POGLUT1: variants seen among roughly 807,000 people sequenced by gnomAD.
POGLUT1 encodes 9630046K23Rik.
Under a neutral mutation model 61.3 loss-of-function variants are expected in POGLUT1, and 32 were observed. The ratio of observed to expected loss-of-function variants is 0.52; its 90% CI spans 0.39 to 0.70. The LOEUF (loss-of-function observed/expected upper bound fraction) is 0.70. POGLUT1 is among the 30% of genes least tolerant of loss of function. POGLUT1 has a pLI of 0.00. For synonymous variants in POGLUT1, 158 were observed against 158.2 expected (o/e 1.00, Z 0.01); for missense variants, 411 against 469.8 (o/e 0.87, Z 1.16).
At chr3:119,487,073 A>C in intron 7 of POGLUT1, 141 bp downstream of exon 7, 1 of 646,604 alleles carries the variant, frequency 1.5e-6, no homozygotes, top group Non-Finnish European at 2.8e-6. Context: ...CAGCATTAGC[A>C]TATATGTAAA....
At chr3:119,469,144 C>T (rs1019467137) in intron 1 of POGLUT1, 38 bp downstream of exon 1, 11 of 1,503,492 alleles carry the variant, frequency 7.3e-6, no homozygotes, top group Non-Finnish European at 9.1e-6. Flanking sequence ...CCCTTGGGCT[C>T]GGGGTCTGGC....
intron 7 of POGLUT1, chr3:119,488,060 T>C (rs2081691490): frequency 6.6e-6 from 1 of 152,206 alleles, no homozygotes; most frequent in South Asian, 2.1e-4. Flanking sequence ...ATGAGGATGC[T>C]ATGAGGAAAA....
chr3:119,473,817 C>T (rs1268569015), intron 3 of POGLUT1, among the ~76,000 whole-genome samples: 1 of 151,972 alleles, frequency 6.6e-6, no homozygotes, highest in East Asian at 1.9e-4. Flanking sequence ...CCCGCCACCA[C>T]ACCTGGCTAA....
In POGLUT1 at chr3:119,493,405, G is replaced by A. The variant is rs113190018; in HGVS notation, c.*967G>A. ...TTTTAGTGCAAATCCATGATGGAGT[G>A]CCTCCCTTTTCCTTTTTTCACTTTT... On this transcript the variant is annotated 3_prime_UTR_variant, in exon 11 of 11. Transcript: ENST00000295588. 23 of 152,280 alleles carry A rather than the reference G, an allele frequency of 1.5e-4. No individual in the cohort carries two copies. Among genetic ancestry groups the A allele is most frequent in the African/African-American group, 3.6e-4 (15 of 41,564 alleles). 9.4% of individuals were successfully genotyped at this position (152,280 alleles called of 1,614,324 possible).
chr3:119,475,216 T>G (rs1373350583), intron 3 of POGLUT1, among the ~76,000 whole-genome samples: 1 of 152,238 alleles, frequency 6.6e-6, no homozygotes, highest in Non-Finnish European at 1.5e-5. Flanking sequence ...TAAAACATGC[T>G]GTCTTCTGTT....
intron 3 of POGLUT1, among the ~76,000 whole-genome samples, chr3:119,476,055 C>G (rs1035174873): frequency 2.0e-5 from 3 of 151,462 alleles, no homozygotes; most frequent in Non-Finnish European, 4.4e-5. Context: ...ACTCAGGAGG[C>G]TGAGGTGAGA....
At chr3:119,472,326 T>G (rs1404074249) in intron 3 of POGLUT1, among the ~76,000 whole-genome samples, 1 of 152,144 alleles carries the variant, frequency 6.6e-6, no homozygotes, top group African/African-American at 2.4e-5. Flanking sequence ...GTGAAATAAA[T>G]GTGCAGAGTT....
At position 119,491,829 on chromosome 3, in the gene POGLUT1, C is replaced by T. The variant is rs970456258; in HGVS notation, c.1022+255C>T. 3.9e-5 allele frequency among the ~76,000 whole-genome samples: 6 copies of T among 152,010 alleles called. No individual in the cohort carries two copies. The East Asian group carries it at 5.8e-4, about 15-fold the overall frequency. ...CAGCACTCTGGAAGGCCGAGGTGGG[C>T]GGATCACCTGAGGTCAGAAGTTCAA... On this transcript the variant is annotated intron_variant, in intron 10 of 10. Transcript: ENST00000295588.
intron 4 of POGLUT1, among the ~76,000 whole-genome samples, chr3:119,477,933 C>T (rs1560033069): frequency 1.3e-5 from 2 of 152,176 alleles, no homozygotes; most frequent in Admixed American, 1.3e-4. Context: ...TAACTCCACA[C>T]GGTGTGTGTA....
chr3:119,485,802 G>T (rs2081657819), intron 6 of POGLUT1, among the ~76,000 whole-genome samples: 1 of 152,216 alleles, frequency 6.6e-6, no homozygotes, highest in Non-Finnish European at 1.5e-5. Context: ...CCCTGTGGCT[G>T]CCAAATAGTG....
At chr3:119,481,221 G>T (rs2081602701) in intron 5 of POGLUT1, among the ~76,000 whole-genome samples, 1 of 152,152 alleles carries the variant, frequency 6.6e-6, no homozygotes, top group Admixed American at 6.6e-5. Flanking sequence ...TGTCCCATAA[G>T]CATCTCAAGT....
rs2081783171 is a variant in POGLUT1, at chr3:119,493,848, C to T, written c.*1410C>T. On this transcript the variant is annotated 3_prime_UTR_variant, in exon 11 of 11. Coordinates refer to ENST00000295588, the MANE Select transcript of POGLUT1 (RefSeq NM_152305.3). ...TTGAGTACTAGCAATGCACAGGGAC[C>T]GTGTTCTTAGGTTCTTAGTCTGTGA... The T allele has an allele frequency of 2.2e-5, 3 of 136,928 alleles. No homozygotes were observed. The highest frequency in any genetic ancestry group is 4.6e-4 in the South Asian group (2 of 4,362). 8.5% of individuals were successfully genotyped at this position (136,928 alleles called of 1,614,324 possible). A position where few individuals can be genotyped will look rare whatever the true frequency, so the allele number is the denominator to read the frequency against.
chr3:119,484,288 T>G (rs925536355), intron 5 of POGLUT1, among the ~76,000 whole-genome samples: 2 of 152,180 alleles, frequency 1.3e-5, no homozygotes, highest in Admixed American at 6.5e-5. Flanking sequence ...CCTAGAAAGT[T>G]TATATCCTAA....
chr3:119,489,129 G>GCCTAAATGCACTGA (rs2081708771), intron 8 of POGLUT1, 142 bp downstream of exon 8: 1 of 517,708 alleles, frequency 1.9e-6, no homozygotes, highest in East Asian at 2.9e-5. Flanking sequence ...TTTCCTCAGG[G>GCCTAAATGCACTGA]CCTAAATGCA....
intron 4 of POGLUT1, among the ~76,000 whole-genome samples, chr3:119,477,890 A>G (rs2081558127): frequency 6.6e-6 from 1 of 152,234 alleles, no homozygotes; most frequent in African/African-American, 2.4e-5. Flanking sequence ...CCGGGGGCCC[A>G]GGGTGGCTAA....
At chr3:119,478,784 C>T (rs1288670978) in intron 4 of POGLUT1, among the ~76,000 whole-genome samples, 1 of 151,522 alleles carries the variant, frequency 6.6e-6, no homozygotes, top group African/African-American at 2.4e-5. Flanking sequence ...TTATCAGTGG[C>T]CAGATTTTTA....
chr3:119,484,579 A>G (rs1416853649), intron 5 of POGLUT1, among the ~76,000 whole-genome samples: 1 of 152,220 alleles, frequency 6.6e-6, no homozygotes, highest in Non-Finnish European at 1.5e-5. Flanking sequence ...AAATCTGATG[A>G]CACTTCCCAC....
At chr3:119,472,551 T>C (rs6794833) in intron 3 of POGLUT1, among the ~76,000 whole-genome samples, 90,060 of 151,908 alleles carry the variant, frequency 0.59, 27,236 homozygotes, top group East Asian at 0.72. Flanking sequence ...ACCCTGTCTT[T>C]ACTAAAAATA....
chr3:119,491,556 C>A lies in POGLUT1; in HGVS notation c.1004C>A (p.Ala335Asp). ...TTTGTAAAAGCAAATGATGATGTAG[C>A]TCAAGAGATTGCTGAAAGGTGAGTT... ...LQFVKANDDVAQEIAERGSQF... is the reference protein window; with the variant it reads ...LQFVKANDDVDQEIAERGSQF... Residue 335 changes from alanine to aspartate, a missense_variant, in exon 10 of 11, where the codon GCT (alanine) becomes GAT (aspartate). Transcript: ENST00000295588. The A allele has an allele frequency of 6.4e-7, 1 of 1,562,914 alleles. No homozygotes were observed. Among genetic ancestry groups the A allele is most frequent in the Non-Finnish European group, 8.7e-7 (1 of 1,144,444 alleles).
Sources: allele counts gnomAD v4.1 joint callset (sites outside exome capture counted in the v4.1 genomes callset), GRCh38; gene constraint gnomAD v4.1.1; transcripts MANE v1.5; gene names NCBI Gene and HGNC (gene_info 2026-07-23, HGNC 2026-07-21).